Variants in UNC79 observed in about 807,000 individuals in gnomAD.
UNC79 encodes the protein unc-79 subunit of NALCN channel complex.
UNC79 carries 37 observed loss-of-function variants against 283.1 expected under a neutral mutation model. The observed-to-expected ratio is 0.13, with a 90% CI of 0.10 to 0.17. The LOEUF is 0.17. UNC79 is among the 10% of genes least tolerant of loss of function. The pLI is 1.00. For missense variants in UNC79, 2,272 were observed against 3,211.1 expected, an observed-to-expected ratio of 0.71 and a Z score of 7.07; for synonymous variants, 1,107 against 1,200.2, an observed-to-expected ratio of 0.92 and a Z score of 1.61.
In UNC79 at chr14:93,451,787, G is replaced by T. The variant is rs937683214; in HGVS notation, c.23-15884G>T. ...TTTGAGAAGCCTGAAATGCACACTA[G>T]TTGGTTCTTGGCTTTGGAATCAGTT... On this transcript the variant is annotated intron_variant, in intron 1 of 48. Coordinates refer to ENST00000555664, the Ensembl canonical transcript of UNC79. 3.9e-5 allele frequency among the ~76,000 whole-genome samples: 6 copies of T among 152,184 alleles called. No homozygotes were observed. In the East Asian group the frequency reaches 9.6e-4, roughly 24 times the overall value.
At chr14:93,516,320 A>G (rs997735675) in intron 7 of UNC79, among the ~76,000 whole-genome samples, 1 of 152,052 alleles carries the variant, frequency 6.6e-6, no homozygotes, top group Non-Finnish European at 1.5e-5. Context: ...ACATAAAATT[A>G]TGTAGTGTAA....
At chr14:93,595,805 C>T (rs77907569) in intron 23 of UNC79, among the ~76,000 whole-genome samples, 5,177 of 152,214 alleles carry the variant, frequency 0.034, 119 homozygotes, top group South Asian at 0.087. Context: ...TATAGTTGTA[C>T]GTGTCTTATC....
exon 30 of UNC79, chr14:93,622,460 C>A (rs200213079): frequency 6.2e-7 from 1 of 1,614,164 alleles, no homozygotes; most frequent in African/African-American, 1.3e-5. Context: ...CCCACTGACG[C>A]TGAAGCAAAA....
intron 47 of UNC79, among the ~76,000 whole-genome samples, chr14:93,697,851 T>G (rs2075264417): frequency 6.6e-6 from 1 of 152,166 alleles, no homozygotes; most frequent in South Asian, 2.1e-4. Flanking sequence ...ATTTGAGACT[T>G]TTCTTTTCTA....
chr14:93,706,608 A>C (rs1232967695), intron 48 of UNC79, 96 bp from the exon 52 acceptor site: 2 of 1,414,254 alleles, frequency 1.4e-6, no homozygotes, highest in African/African-American at 2.8e-5. Context: ...CCTTGAGCCA[A>C]GCCTAAATTC....
chr14:93,668,521 G>A (rs536049690), intron 40 of UNC79, among the ~76,000 whole-genome samples: 1 of 151,924 alleles, frequency 6.6e-6, no homozygotes, highest in South Asian at 2.1e-4. Flanking sequence ...GACCAGCCTG[G>A]GCAACAAGGC....
At chr14:93,600,420 G>T in intron 24 of UNC79, 149 bp from the exon 25 acceptor site, 1 of 523,404 alleles carries the variant, frequency 1.9e-6, no homozygotes, top group East Asian at 3.0e-5. Context: ...AATCAAAAAA[G>T]ATTCCAGTGG....
intron 38 of UNC79, among the ~76,000 whole-genome samples, chr14:93,658,058 G>A (rs1013046802): frequency 1.3e-5 from 2 of 152,190 alleles, no homozygotes; most frequent in East Asian, 3.9e-4. Context: ...TCCGATGAGT[G>A]TCGAGCAGAT....
intron 1 of UNC79, among the ~76,000 whole-genome samples, chr14:93,353,408 A>G (rs2054018544): frequency 6.6e-6 from 1 of 152,166 alleles, no homozygotes; most frequent in Non-Finnish European, 1.5e-5. Context: ...CACCTTTGCC[A>G]TAGTATCACA....
chr14:93,410,391 A>G (rs1267805642), intron 1 of UNC79, among the ~76,000 whole-genome samples: 2 of 152,132 alleles, frequency 1.3e-5, no homozygotes, highest in African/African-American at 4.8e-5. Context: ...CTTAGGCTAC[A>G]AGGAACTCCT....
At chr14:93,370,638 GGTACA>G in intron 1 of UNC79, among the ~76,000 whole-genome samples, 1 of 152,218 alleles carries the variant, frequency 6.6e-6, no homozygotes, top group African/African-American at 2.4e-5. Flanking sequence ...CAGACGTGGT[GGTACA>G]TGCCTGTAGT....
At position 93,629,165 on chromosome 14, in the gene UNC79, C is replaced by T. The variant is rs140102966; in HGVS notation, c.5609-1636C>T. On this transcript the variant is annotated intron_variant, in intron 30 of 48. Coordinates refer to ENST00000555664, the Ensembl canonical transcript of UNC79. ...ACTGAGCTGAGTTCATGCCACTGCA[C>T]TCCAGACTGGGCAATAGAGCAAGAC... is the stretch of plus-strand genomic sequence containing the variant. 4.7e-3 allele frequency among the ~76,000 whole-genome samples: 713 copies of T among 152,284 alleles called. 3 individuals are homozygous for T. The highest frequency in any genetic ancestry group is 0.017 in the Middle Eastern group (5 of 294).
chr14:93,478,874 A>T (rs913573737), intron 4 of UNC79, among the ~76,000 whole-genome samples: 1 of 152,132 alleles, frequency 6.6e-6, no homozygotes, highest in African/African-American at 2.4e-5. Context: ...TTTGAGCTAC[A>T]TTTGCTTATT....
intron 7 of UNC79, among the ~76,000 whole-genome samples, chr14:93,507,553 T>C (rs965231826): frequency 6.6e-6 from 1 of 152,220 alleles, no homozygotes; most frequent in African/African-American, 2.4e-5. Context: ...AATTATTGAT[T>C]GGGTTCTTTA....
chr14:93,706,418 G>A (rs928742791), intron 48 of UNC79, among the ~76,000 whole-genome samples: 5 of 152,188 alleles, frequency 3.3e-5, no homozygotes, highest in Admixed American at 1.3e-4. Flanking sequence ...CTGGGGCCAA[G>A]TTTATGTGTT....
At chr14:93,619,988 G>A (rs1307559039) in intron 29 of UNC79, among the ~76,000 whole-genome samples, 1 of 152,214 alleles carries the variant, frequency 6.6e-6, no homozygotes, top group African/African-American at 2.4e-5. Flanking sequence ...AACTTTATGG[G>A]TTGCAACATA....
At chr14:93,655,441 T>C in intron 38 of UNC79, 34 bp downstream of exon 41, 1 of 1,604,922 alleles carries the variant, frequency 6.2e-7, no homozygotes, top group Non-Finnish European at 8.5e-7. Context: ...TTTCAATTAA[T>C]TTCTTACCAT....
chr14:93,472,303 A>G (rs986497906), intron 2 of UNC79, among the ~76,000 whole-genome samples: 1 of 152,150 alleles, frequency 6.6e-6, no homozygotes, highest in African/African-American at 2.4e-5. Flanking sequence ...ATTCTTAGGA[A>G]TAATTGAGTC....
At chr14:93,558,182 G>A (rs546796519) in intron 14 of UNC79, among the ~76,000 whole-genome samples, 2 of 152,236 alleles carry the variant, frequency 1.3e-5, no homozygotes, top group South Asian at 2.1e-4. Context: ...ACAGAACAAC[G>A]CAGAACAACA....
Sources: allele counts gnomAD v4.1 joint callset (sites outside exome capture counted in the v4.1 genomes callset), GRCh38; gene constraint gnomAD v4.1.1; transcripts MANE v1.5; gene names NCBI Gene and HGNC (gene_info 2026-07-23, HGNC 2026-07-21).